PADI2: variants seen among roughly 807,000 people sequenced by gnomAD.
The protein encoded by PADI2 is protein-arginine deiminase type-2.
Under a neutral mutation model 81.1 loss-of-function variants are expected in PADI2, and 70 were observed. The ratio of observed to expected loss-of-function variants is 0.86; its 90% CI spans 0.71 to 1.05. PADI2 has a LOEUF of 1.05. Among genes scored for constraint, PADI2 ranks in the 50% least tolerant of loss-of-function variants. The pLI, the probability that PADI2 is intolerant of heterozygous loss-of-function variation, is 0.00. For missense variants in PADI2, 853 were observed against 889.9 expected (o/e 0.96, Z 0.53); for synonymous variants, 338 against 358.0 (o/e 0.94, Z 0.63).
Position 17,082,593 on chromosome 1 carries a change from G to A in PADI2, c.1110C>T (p.Asp370=). The change falls in exon 10 of 16, where the codon GAC becomes GAT. Residue 370 remains aspartate, a synonymous_variant. Coordinates refer to ENST00000375486, the MANE Select transcript of PADI2 (RefSeq NM_007365.3). ...CCTTTAGGTTTCCATCTCGGGGAGAGTCCAGCACCACGGGGAAGCCTTTAT... is the reference window on the plus strand; with the variant it reads ...CCTTTAGGTTTCCATCTCGGGGAGAATCCAGCACCACGGGGAAGCCTTTAT... ...APHKGFPVVL[D]SPRDGNLKDF... 1 of 1,613,034 alleles carries A rather than the reference G, an allele frequency of 6.2e-7. No homozygotes were observed. Among genetic ancestry groups the A allele is most frequent in the African/African-American group, 1.3e-5 (1 of 74,880 alleles).
At chr1:17,102,085 G>T (rs2746500) in intron 3 of PADI2, among the ~76,000 whole-genome samples, 9,697 of 152,158 alleles carry the variant, frequency 0.064, 1,001 homozygotes, top group African/African-American at 0.22. Context: ...TCATTATTTT[G>T]AAAGCACTCA....
intron 13 of PADI2, among the ~76,000 whole-genome samples, chr1:17,072,297 A>T (rs2078269618): frequency 6.6e-6 from 1 of 152,210 alleles, no homozygotes; most frequent in Non-Finnish European, 1.5e-5. Flanking sequence ...GGACAGCAGT[A>T]AAGATGCCCA....
intron 3 of PADI2, among the ~76,000 whole-genome samples, chr1:17,097,256 G>C (rs1426752795): frequency 2.0e-5 from 3 of 152,192 alleles, no homozygotes; most frequent in African/African-American, 7.2e-5. Context: ...GGCATGGAAA[G>C]GAGGGTCCTG....
At chr1:17,095,090 TC>T (rs1930866162) in intron 4 of PADI2, among the ~76,000 whole-genome samples, 1 of 152,230 alleles carries the variant, frequency 6.6e-6, no homozygotes, top group African/African-American at 2.4e-5. Flanking sequence ...ACTCTAGGCT[TC>T]AGAGTGTTAT....
At chr1:17,112,629 T>C (rs1400386681) in intron 1 of PADI2, among the ~76,000 whole-genome samples, 1 of 152,056 alleles carries the variant, frequency 6.6e-6, no homozygotes, top group East Asian at 1.9e-4. Flanking sequence ...TCACACCTGG[T>C]GCTCGGCATG....
At chr1:17,114,741 G>A (rs538048222) in intron 1 of PADI2, among the ~76,000 whole-genome samples, 3 of 152,126 alleles carry the variant, frequency 2.0e-5, no homozygotes, top group Non-Finnish European at 2.9e-5. Flanking sequence ...TGGAGGAGGT[G>A]ACATTGGAGC....
intron 3 of PADI2, among the ~76,000 whole-genome samples, chr1:17,097,971 T>C (rs1405966066): frequency 6.6e-6 from 1 of 152,182 alleles, no homozygotes; most frequent in Non-Finnish European, 1.5e-5. Context: ...GCGGGCATCC[T>C]GCTCTGCAGC....
At chr1:17,087,068 G>C (rs1328595679) in intron 6 of PADI2, among the ~76,000 whole-genome samples, 1 of 152,222 alleles carries the variant, frequency 6.6e-6, no homozygotes, top group Non-Finnish European at 1.5e-5. Flanking sequence ...GAAAGGAGGA[G>C]TGGCTTGTCC....
chr1:17,074,956 G>A lies in PADI2; in HGVS notation c.1456-7C>T, dbSNP rs1328386140. On this transcript the variant is annotated splice_polypyrimidine_tract_variant and splice_region_variant and intron_variant, in intron 12 of 15. Transcript: ENST00000375486. ...CCATGAGTAGCAGGAATTTCTGCAA[G>A]AGACAGTCCAGAGGGACAGAGTCAG... The A allele has an allele frequency of 3.7e-6, 6 of 1,601,210 alleles. No individual in the cohort carries two copies. The South Asian group carries it at 5.5e-5, about 15-fold the overall frequency.
rs1217484961 is a variant in PADI2, at chr1:17,104,431, CTTTTTTTT to C, written c.276+439_276+446del. Reference sequence around the variant, plus strand: ...TTTCACCTGTTTCTTTTTGCCTTTTCTTTTTTTTTTTTTTTTTTTTTGAGACGGAGTCT... The same window carrying C: ...TTTCACCTGTTTCTTTTTGCCTTTTCTTTTTTTTTTTTTGAGACGGAGTCT... On this transcript the variant is annotated intron_variant, in intron 2 of 15. Transcript: ENST00000375486. Among the ~76,000 whole-genome samples, 16 of 79,816 alleles carry C rather than the reference CTTTTTTTT, an allele frequency of 2.0e-4. No homozygotes were observed. The South Asian group carries it at 7.6e-3, about 38-fold the overall frequency. 52.4% of individuals were successfully genotyped at this position (79,816 alleles called of 152,430 possible). A position where few individuals can be genotyped will look rare whatever the true frequency, so the allele number is the denominator to read the frequency against.
chr1:17,069,030 G>C lies in PADI2; in HGVS notation c.*14C>G, dbSNP rs191274660. On this transcript the variant is annotated 3_prime_UTR_variant, in exon 16 of 16. Coordinates refer to ENST00000375486, the MANE Select transcript of PADI2 (RefSeq NM_007365.3). Reference sequence around the variant, plus strand: ...AACTAAGCGAAGGAGGCAAACGCCAGGGCCCCTGGCAGGTCAGGGCACCAT... The same window carrying C: ...AACTAAGCGAAGGAGGCAAACGCCACGGCCCCTGGCAGGTCAGGGCACCAT... The C allele has an allele frequency of 6.1e-5, 98 of 1,597,422 alleles. No homozygotes were observed. The East Asian group carries it at 2.1e-3, about 34-fold the overall frequency.
intron 1 of PADI2, among the ~76,000 whole-genome samples, chr1:17,109,996 G>A (rs147499948): frequency 0.017 from 2,624 of 152,206 alleles, 39 homozygotes; most frequent in Non-Finnish European, 0.023. Context: ...AGCCCACATC[G>A]CAGCTCCAGG....
At chr1:17,104,108 C>T (rs1476555049) in intron 2 of PADI2, among the ~76,000 whole-genome samples, 1 of 147,288 alleles carries the variant, frequency 6.8e-6, no homozygotes, top group Non-Finnish European at 1.5e-5. Context: ...CGGTGAAACC[C>T]CATCTCTACT....
chr1:17,119,350 G>T lies in PADI2; in HGVS notation c.22C>A (p.Arg8=), dbSNP rs1330438799. Residue 8 remains arginine (R), a synonymous_variant, in exon 1 of 16, where the codon CGG becomes AGG. Coordinates refer to ENST00000375486, the MANE Select transcript of PADI2 (RefSeq NM_007365.3). This position sits in a 1 kb window ranked among gnomAD's most constrained non-coding sequence, Gnocchi z 4.8. MLRERTV[R]LQYGSRVEAV... is the part of the protein sequence containing the mutation. ...TCCACGCGGCTCCCGTACTGCAGCC[G>T]CACGGTCCGCTCGCGCAGCATCCTC... 1.4e-5 allele frequency: 21 copies of T among 1,541,788 alleles called. No individual in the cohort carries two copies. Among genetic ancestry groups the T allele is most frequent in the African/African-American group, 2.8e-5 (2 of 71,328 alleles).
chr1:17,082,098 G>A (rs1232036380), intron 10 of PADI2, among the ~76,000 whole-genome samples: 1 of 152,088 alleles, frequency 6.6e-6, no homozygotes, highest in African/African-American at 2.4e-5. Flanking sequence ...CAAGACTCTT[G>A]TCTCAGAAAA....
At chr1:17,093,096 T>C (rs1414470864) in intron 5 of PADI2, among the ~76,000 whole-genome samples, 3 of 152,058 alleles carry the variant, frequency 2.0e-5, no homozygotes, top group East Asian at 1.9e-4. Context: ...CTTCTTCTTC[T>C]TCTTCTTTTT....
At chr1:17,078,713 T>C (rs2078322626) in intron 11 of PADI2, among the ~76,000 whole-genome samples, 1 of 151,974 alleles carries the variant, frequency 6.6e-6, no homozygotes, top group Admixed American at 6.6e-5. Flanking sequence ...TTATTTATTT[T>C]TGAGATGAGG....
intron 3 of PADI2, among the ~76,000 whole-genome samples, chr1:17,100,660 A>AG (rs1931109593): frequency 7.6e-6 from 1 of 131,060 alleles, no homozygotes; most frequent in Non-Finnish European, 1.6e-5. Context: ...TTGATAGCAA[A>AG]TTTTTTTTTT....
rs746112762 is a variant in PADI2, at chr1:17,079,275, G to A, written c.1299C>T (p.Ser433=). Residue 433 remains serine (S), a synonymous_variant, in exon 11 of 16, where the codon AGC becomes AGT. Transcript: ENST00000375486. ...TYPLGRILIG[S]SFPLSGGRRM... ...CTGGCTTCTCTTACAGAGGAAAGCT[G>A]CTCCCGATGAGGATGCGGCCAAGCG... 6.2e-7 allele frequency: 1 copy of A among 1,613,462 alleles called. No individual in the cohort carries two copies. Among genetic ancestry groups the A allele is most frequent in the Non-Finnish European group, 8.5e-7 (1 of 1,179,646 alleles).
Sources: gnomAD v4.1 joint callset for allele counts (sites outside exome capture counted in the v4.1 genomes callset) on GRCh38, gnomAD v4.1.1 for gene constraint, Gnocchi (gnomAD v3.1) non-coding constraint, MANE v1.5 for transcripts, NCBI Gene and HGNC (gene_info 2026-07-23, HGNC 2026-07-21) for gene names.